Variants in VAV3 observed in about 807,000 individuals in gnomAD.
VAV3 encodes guanine nucleotide exchange factor VAV3.
Under a neutral mutation model 131.2 loss-of-function variants are expected in VAV3, and 94 were observed. That is an observed-to-expected ratio of 0.72 (90% CI 0.61 to 0.85). The LOEUF (loss-of-function observed/expected upper bound fraction) is 0.85, where lower values mean the gene tolerates loss of function less well. VAV3 is among the 40% of genes least tolerant of loss of function. VAV3 has a pLI of 0.00. For synonymous variants in VAV3, 349 were observed against 342.0 expected, an observed-to-expected ratio of 1.02 and a Z score of -0.22; for missense variants, 939 against 1,002.7, an observed-to-expected ratio of 0.94 and a Z score of 0.86.
chr1:107,781,536 T>C (rs1570944791), intron 2 of VAV3, among the ~76,000 whole-genome samples: 1 of 152,150 alleles, frequency 6.6e-6, no homozygotes, highest in South Asian at 2.1e-4. Context: ...TGTTAATTTT[T>C]AAAAAATTAA....
In VAV3 at chr1:107,791,367, G is replaced by GT. The variant is rs1031142478; in HGVS notation, c.322-11876dup. 5.8e-4 allele frequency among the ~76,000 whole-genome samples: 51 copies of GT among 87,826 alleles called. 1 individual carries two copies. The South Asian group carries it at 0.015, about 26-fold the overall frequency. The allele number at this position is 87,826 out of a possible 152,430, so 57.6% of individuals were successfully genotyped here. On this transcript the variant is annotated intron_variant, in intron 2 of 26. Coordinates refer to ENST00000370056, the MANE Select transcript of VAV3 (RefSeq NM_006113.5). ...AGTTCAATAGATTAACTAAAAGGAAGTTTTTTTTGGTGATATCAAAAAAAA... is the reference window on the plus strand; with the variant it reads ...AGTTCAATAGATTAACTAAAAGGAAGTTTTTTTTTGGTGATATCAAAAAAAA...
intron 2 of VAV3, among the ~76,000 whole-genome samples, chr1:107,783,892 C>CAAA (rs55821232): frequency 1.4e-3 from 151 of 107,920 alleles, no homozygotes; most frequent in African/African-American, 2.6e-3. Flanking sequence ...ACTAAAAATA[C>CAAA]AAAAAAAAAA....
rs761472840 is a variant in VAV3 at position 107,964,882 on chromosome 1, C to T, written c.-13G>A. ...TCCACGGCTCCATGCCCGACGGCTC[C>T]GGGACGCGGCTGGGCCGGGGCGGGC... On this transcript the variant is annotated 5_prime_UTR_variant, in exon 1 of 27. Coordinates refer to ENST00000370056, the MANE Select transcript of VAV3 (RefSeq NM_006113.5). The T allele has an allele frequency of 4.7e-5, 71 of 1,507,746 alleles. No homozygotes were observed. The Middle Eastern group carries it at 1.7e-3, about 36-fold the overall frequency. The allele number at this position is 1,507,746 out of a possible 1,614,324, so 93.4% of individuals were successfully genotyped here.
chr1:107,575,249 C>T (rs1649562707), intron 25 of VAV3, among the ~76,000 whole-genome samples: 1 of 152,014 alleles, frequency 6.6e-6, no homozygotes, highest in African/African-American at 2.4e-5. Context: ...GTTGGTGAAA[C>T]TTTATAAATC....
chr1:107,751,690 A>G lies in VAV3; in HGVS notation c.1174-488T>C, dbSNP rs142369115. Among the ~76,000 whole-genome samples the G allele has an allele frequency of 1.9e-3, 296 of 152,100 alleles. 4 individuals are homozygous for G. In the Middle Eastern group the frequency reaches 0.024, roughly 12 times the overall value. On this transcript the variant is annotated intron_variant, in intron 12 of 26. Coordinates refer to ENST00000370056, the MANE Select transcript of VAV3 (RefSeq NM_006113.5). ...AGAAAGGGGCGGGGGGGCGCGCGCT[A>G]ATTTGGTCTATAAAGTCCAGGCTGG... is the stretch of plus-strand genomic sequence containing the variant.
intron 19 of VAV3, among the ~76,000 whole-genome samples, chr1:107,663,008 C>T (rs1657134995): frequency 6.6e-6 from 1 of 152,132 alleles, no homozygotes; most frequent in Non-Finnish European, 1.5e-5. Context: ...CAGTTCTTTA[C>T]AAGTCTAAGC....
intron 23 of VAV3, 144 bp from the exon 24 acceptor site, chr1:107,602,628 C>T (rs1365927523): frequency 5.2e-6 from 3 of 578,616 alleles, no homozygotes; most frequent in East Asian, 3.5e-5. Context: ...CTGGTGACAG[C>T]TAATTAACAA....
At chr1:107,753,766 G>A (rs984610187) in intron 12 of VAV3, among the ~76,000 whole-genome samples, 5 of 151,572 alleles carry the variant, frequency 3.3e-5, no homozygotes, top group Non-Finnish European at 7.4e-5. Flanking sequence ...CACCATGTTG[G>A]TCAGTCTGGT....
At chr1:107,895,127 A>C (rs1319660915) in intron 1 of VAV3, among the ~76,000 whole-genome samples, 1 of 152,088 alleles carries the variant, frequency 6.6e-6, no homozygotes, top group Non-Finnish European at 1.5e-5. Context: ...AAGAGGAAAA[A>C]AAAAAGAGCT....
At chr1:107,891,061 T>C (rs1466699112) in intron 1 of VAV3, among the ~76,000 whole-genome samples, 1 of 152,164 alleles carries the variant, frequency 6.6e-6, no homozygotes, top group Non-Finnish European at 1.5e-5. Flanking sequence ...ACAGAATTTC[T>C]GTACAAAGAC....
chr1:107,944,064 C>T lies in VAV3; in HGVS notation c.204+20602G>A, dbSNP rs185588367. 1.7e-3 allele frequency among the ~76,000 whole-genome samples: 263 copies of T among 152,358 alleles called. 1 individual carries two copies. The highest frequency in any genetic ancestry group is 6.0e-3 in the African/African-American group (251 of 41,590). On this transcript the variant is annotated intron_variant, in intron 1 of 26. Coordinates refer to ENST00000370056, the MANE Select transcript of VAV3 (RefSeq NM_006113.5). Reference sequence around the variant, plus strand: ...GTAGGCTAGGCTGCCATAAGCTTCACAGTCTCCCAAGGTCAAAATAATAAA... The same window carrying T: ...GTAGGCTAGGCTGCCATAAGCTTCATAGTCTCCCAAGGTCAAAATAATAAA...
At chr1:107,880,805 AAAAG>A (rs1369595234) in intron 1 of VAV3, among the ~76,000 whole-genome samples, 58 of 55,484 alleles carry the variant, frequency 1.0e-3, no homozygotes, top group African/African-American at 6.6e-3. Flanking sequence ...CCAAAAAAAA[AAAAG>A]AAAAGAAAAA....
At chr1:107,703,098 A>T (rs78264169) in intron 17 of VAV3, among the ~76,000 whole-genome samples, 1 of 151,962 alleles carries the variant, frequency 6.6e-6, no homozygotes, top group Non-Finnish European at 1.5e-5. Context: ...TTCTTCACAG[A>T]TATCATCTCA....
intron 3 of VAV3, among the ~76,000 whole-genome samples, chr1:107,778,630 G>A (rs1665509885): frequency 6.6e-6 from 1 of 152,110 alleles, no homozygotes; most frequent in Non-Finnish European, 1.5e-5. Context: ...AGTCCTGCTT[G>A]GATCCTCTCT....
chr1:107,783,235 A>G (rs2102240839), intron 2 of VAV3, among the ~76,000 whole-genome samples: 1 of 152,280 alleles, frequency 6.6e-6, no homozygotes, highest in South Asian at 2.1e-4. Context: ...GAAAGTGTGG[A>G]AAGGACAATC....
chr1:107,926,709 G>A (rs1268185924), intron 1 of VAV3, among the ~76,000 whole-genome samples: 1 of 152,142 alleles, frequency 6.6e-6, no homozygotes, highest in Admixed American at 6.5e-5. Flanking sequence ...TCCAAACCAG[G>A]CTGAACTCAG....
intron 2 of VAV3, among the ~76,000 whole-genome samples, chr1:107,810,162 G>A (rs1392559717): frequency 6.6e-6 from 1 of 152,160 alleles, no homozygotes; most frequent in East Asian, 1.9e-4. Flanking sequence ...GACTCGAACA[G>A]CAGCAGCCTA....
intron 2 of VAV3, among the ~76,000 whole-genome samples, chr1:107,873,970 T>C (rs1302823499): frequency 6.6e-6 from 1 of 152,202 alleles, no homozygotes; most frequent in Non-Finnish European, 1.5e-5. Context: ...GAGCAATCCA[T>C]TGGTTATTTT....
At chr1:107,762,725 G>A (rs1391719110) in intron 9 of VAV3, among the ~76,000 whole-genome samples, 1 of 152,150 alleles carries the variant, frequency 6.6e-6, no homozygotes, top group African/African-American at 2.4e-5. Flanking sequence ...AAGAAAAAAA[G>A]TCAGTTCCTT....
Sources: allele counts gnomAD v4.1 joint callset (sites outside exome capture counted in the v4.1 genomes callset), GRCh38; gene constraint gnomAD v4.1.1; transcripts MANE v1.5; gene names NCBI Gene and HGNC (gene_info 2026-07-23, HGNC 2026-07-21).